Variants in TRAPPC9 observed in about 807,000 individuals in gnomAD.
TRAPPC9 encodes IKK2 binding protein.
A neutral mutation model predicts 124.0 loss-of-function variants in TRAPPC9; 83 were observed. The ratio of observed to expected loss-of-function variants is 0.67; its 90% CI spans 0.56 to 0.80. The LOEUF is 0.80. Among genes scored for constraint, TRAPPC9 ranks in the 30% least tolerant of loss-of-function variants. TRAPPC9 has a pLI of 0.00. For missense variants in TRAPPC9, 1,302 were observed against 1,508.3 expected (o/e 0.86, Z 2.27); for synonymous variants, 638 against 617.5 (o/e 1.03, Z -0.49).
At chr8:140,357,510 C>T (rs1268089542) in intron 9 of TRAPPC9, among the ~76,000 whole-genome samples, 1 of 151,926 alleles carries the variant, frequency 6.6e-6, no homozygotes, top group Admixed American at 6.6e-5. Flanking sequence ...GGATGGCACC[C>T]GAGATTCTAA....
chr8:140,265,379 T>G (rs565065182), intron 15 of TRAPPC9, among the ~76,000 whole-genome samples: 3 of 152,336 alleles, frequency 2.0e-5, no homozygotes, highest in East Asian at 3.9e-4. Flanking sequence ...AACAGCTTAT[T>G]CCCCTCTGAT....
intron 17 of TRAPPC9, among the ~76,000 whole-genome samples, chr8:140,196,626 ACT>A (rs1351727472): frequency 6.6e-6 from 1 of 151,110 alleles, no homozygotes. Context: ...ACACTAAAAC[ACT>A]CAACAATCCA....
intron 4 of TRAPPC9, among the ~76,000 whole-genome samples, chr8:140,428,945 C>A (rs145731035): frequency 2.0e-5 from 3 of 152,208 alleles, no homozygotes; most frequent in Middle Eastern, 3.2e-3. Context: ...CCTTTCCACA[C>A]TGGCCAACCC....
chr8:140,263,354 C>A, intron 15 of TRAPPC9, among the ~76,000 whole-genome samples: 1 of 152,108 alleles, frequency 6.6e-6, no homozygotes, highest in Non-Finnish European at 1.5e-5. Flanking sequence ...CTCCCCAAGG[C>A]ACAACACCTG....
intron 17 of TRAPPC9, among the ~76,000 whole-genome samples, chr8:140,151,447 C>T (rs1192123713): frequency 6.6e-6 from 1 of 152,190 alleles, no homozygotes; most frequent in Non-Finnish European, 1.5e-5. Flanking sequence ...CCAGAAGGCT[C>T]AGATCAAGAC....
chr8:140,350,324 C>G (rs984660813), intron 9 of TRAPPC9, among the ~76,000 whole-genome samples: 1 of 152,312 alleles, frequency 6.6e-6, no homozygotes, highest in Non-Finnish European at 1.5e-5. Flanking sequence ...CAGCCCATGA[C>G]AAGATGAGTG....
At chr8:139,737,708 G>T (rs940488628) in intron 21 of TRAPPC9, among the ~76,000 whole-genome samples, 5 of 152,166 alleles carry the variant, frequency 3.3e-5, no homozygotes, top group African/African-American at 1.2e-4. Context: ...GCTCCTGATT[G>T]GCTGGAGAAC....
intron 21 of TRAPPC9, among the ~76,000 whole-genome samples, chr8:139,853,343 A>C (rs577934221): frequency 6.6e-5 from 10 of 152,238 alleles, no homozygotes; most frequent in African/African-American, 1.9e-4. Flanking sequence ...CATTTTCCAA[A>C]TCTCTTCTCC....
intron 12 of TRAPPC9, among the ~76,000 whole-genome samples, chr8:140,289,880 A>G (rs1039123581): frequency 2.0e-5 from 3 of 152,210 alleles, no homozygotes; most frequent in African/African-American, 4.8e-5. Flanking sequence ...CGAGACTACA[A>G]GCTGAACATC....
intron 21 of TRAPPC9, among the ~76,000 whole-genome samples, chr8:139,840,026 A>G (rs928253152): frequency 1.3e-5 from 2 of 152,242 alleles, no homozygotes; most frequent in Non-Finnish European, 2.9e-5. Flanking sequence ...TTCCACCAAA[A>G]GCACAGTAAA....
intron 17 of TRAPPC9, among the ~76,000 whole-genome samples, chr8:140,085,801 G>A (rs1229335006): frequency 1.3e-5 from 2 of 152,170 alleles, no homozygotes; most frequent in Non-Finnish European, 2.9e-5. Context: ...CGTTCCACAT[G>A]GGGAGCCACA....
chr8:139,884,398 G>T (rs1018809060), intron 21 of TRAPPC9, among the ~76,000 whole-genome samples: 1 of 152,170 alleles, frequency 6.6e-6, no homozygotes, highest in Non-Finnish European at 1.5e-5. Context: ...AGACAGAAGG[G>T]AGGAGCCCAC....
intron 21 of TRAPPC9, among the ~76,000 whole-genome samples, chr8:139,804,149 ACCACCACCACCAAG>A: frequency 1.9e-5 from 2 of 107,988 alleles, no homozygotes; most frequent in Admixed American, 1.1e-4. Flanking sequence ...ACCACCACCC[ACCACCACCACCAAG>A]CACCACCACC....
At chr8:140,059,355 T>C (rs1261143152) in intron 17 of TRAPPC9, among the ~76,000 whole-genome samples, 2 of 152,250 alleles carry the variant, frequency 1.3e-5, no homozygotes, top group Non-Finnish European at 2.9e-5. Context: ...TTATATATAG[T>C]TGGCTGCAGG....
intron 17 of TRAPPC9, among the ~76,000 whole-genome samples, chr8:140,175,967 A>T (rs1352481805): frequency 6.6e-6 from 1 of 152,240 alleles, no homozygotes; most frequent in Non-Finnish European, 1.5e-5. Context: ...GAGGACAGAC[A>T]CGTAAAAGAC....
intron 21 of TRAPPC9, among the ~76,000 whole-genome samples, chr8:139,748,259 G>C (rs531171427): frequency 5.7e-4 from 48 of 83,774 alleles, no homozygotes; most frequent in African/African-American, 2.2e-3. Flanking sequence ...GAGCAGGTAG[G>C]GGGGGCATAC....
chr8:139,820,872 C>A (rs992398430), intron 21 of TRAPPC9, among the ~76,000 whole-genome samples: 4 of 152,112 alleles, frequency 2.6e-5, no homozygotes, highest in African/African-American at 4.8e-5. Flanking sequence ...ATTGTATATG[C>A]ACAAATGAAT....
intron 21 of TRAPPC9, among the ~76,000 whole-genome samples, chr8:139,853,528 T>C (rs1827624156): frequency 6.6e-6 from 1 of 152,182 alleles, no homozygotes; most frequent in African/African-American, 2.4e-5. Flanking sequence ...CAAGAAATGC[T>C]TGCTGACCGA....
In TRAPPC9 at chr8:140,097,319, C is replaced by G. The variant is rs1277181926; in HGVS notation, c.2557-73240G>C. On this transcript the variant is annotated intron_variant, in intron 17 of 22. Coordinates refer to ENST00000438773, the MANE Select transcript of TRAPPC9 (RefSeq NM_001160372.4). The surrounding 1 kb of genome is among the most constrained non-coding windows in gnomAD (Gnocchi z 4.2). ...GGTCCACAGGATGAGACGGCTCACC[C>G]GAGTCCGCCATGCGCAGCCCTGCCA... 1 of 152,380 alleles carries G rather than the reference C, an allele frequency of 6.6e-6. No homozygotes were observed. Among genetic ancestry groups the G allele is most frequent in the Non-Finnish European group, 1.5e-5 (1 of 68,178 alleles). The allele number at this position is 152,380 out of a possible 1,614,324, so 9.4% of individuals were successfully genotyped here.
Sources: gnomAD v4.1 joint callset for allele counts (sites outside exome capture counted in the v4.1 genomes callset) on GRCh38, gnomAD v4.1.1 for gene constraint, Gnocchi (gnomAD v3.1) non-coding constraint, MANE v1.5 for transcripts, NCBI Gene and HGNC (gene_info 2026-07-23, HGNC 2026-07-21) for gene names.